The following TENM3 variants were observed in gnomAD, a reference collection of about 807,000 sequenced individuals.
The protein encoded by TENM3 is teneurin-3.
In TENM3, 63 loss-of-function variants were observed where a neutral mutation model predicts 255.1. The ratio of observed to expected loss-of-function variants is 0.25; its 90% CI spans 0.20 to 0.30. TENM3 has a LOEUF of 0.30. Among genes scored for constraint, TENM3 ranks in the 10% least tolerant of loss-of-function variants. TENM3 has a pLI of 1.00. For synonymous variants in TENM3, 1,306 were observed against 1,322.3 expected (o/e 0.99, Z 0.27); for missense variants, 2,929 against 3,461.1 (o/e 0.85, Z 3.86).
At chr4:181,602,611 C>G in the TENM3 span, among the ~76,000 whole-genome samples, 9 of 152,160 alleles carry the variant, frequency 5.9e-5, no homozygotes, top group Non-Finnish European at 1.3e-4. Flanking sequence ...CTCTTGAGAA[C>G]TATTTCACTC....
chr4:182,798,398 C>T (rs1766654655), intron 27 of TENM3, among the ~76,000 whole-genome samples: 1 of 152,202 alleles, frequency 6.6e-6, no homozygotes, highest in Non-Finnish European at 1.5e-5. Flanking sequence ...AGTACAGTCA[C>T]ACCGTATACA....
the TENM3 span, among the ~76,000 whole-genome samples, chr4:181,634,574 G>A: frequency 6.6e-6 from 1 of 151,964 alleles, no homozygotes; most frequent in Non-Finnish European, 1.5e-5. Context: ...CTGTTGTGAG[G>A]TAACTAAGGA....
intron 3 of TENM3, among the ~76,000 whole-genome samples, chr4:182,420,579 A>G (rs1177667687): frequency 6.6e-6 from 1 of 152,236 alleles, no homozygotes; most frequent in Non-Finnish European, 1.5e-5. Context: ...TTCCACTGTA[A>G]TACTTACTCA....
chr4:181,878,403 C>CAGA, the TENM3 span, among the ~76,000 whole-genome samples: 2 of 152,004 alleles, frequency 1.3e-5, no homozygotes, highest in Non-Finnish European at 2.9e-5. Flanking sequence ...CAAGGATAGT[C>CAGA]TGGTCTATGG....
chr4:181,757,544 T>A, the TENM3 span, among the ~76,000 whole-genome samples: 1 of 152,138 alleles, frequency 6.6e-6, no homozygotes. Context: ...ACAAAATCAA[T>A]TTTTCTCTCT....
chr4:182,230,429 A>G (rs1374030061), intron 1 of TENM3, among the ~76,000 whole-genome samples: 1 of 152,044 alleles, frequency 6.6e-6, no homozygotes, highest in African/African-American at 2.4e-5. Flanking sequence ...CCTCCACAGC[A>G]CTTCCTTCTG....
the TENM3 span, among the ~76,000 whole-genome samples, chr4:182,070,149 G>T: frequency 6.6e-6 from 1 of 152,176 alleles, no homozygotes; most frequent in Admixed American, 6.5e-5. Flanking sequence ...AGGCACAGGT[G>T]GGGGAAGGCC....
intron 3 of TENM3, among the ~76,000 whole-genome samples, chr4:182,457,463 ATT>A (rs1021365636): frequency 6.8e-6 from 1 of 148,096 alleles, no homozygotes; most frequent in African/African-American, 2.4e-5. Context: ...TATGATCTCT[ATT>A]TTAAAGATAT....
chr4:181,450,023 AACT>A, the TENM3 span, among the ~76,000 whole-genome samples: 1 of 152,182 alleles, frequency 6.6e-6, no homozygotes, highest in Non-Finnish European at 1.5e-5. Context: ...ATTATCATTA[AACT>A]ACTATTTAAT....
the TENM3 span, among the ~76,000 whole-genome samples, chr4:181,650,684 A>G: frequency 6.6e-6 from 1 of 152,208 alleles, no homozygotes; most frequent in Admixed American, 6.5e-5. Context: ...ATTTCATACA[A>G]TTAATTGAAT....
chr4:182,670,937 A>G (rs552685757), intron 6 of TENM3, among the ~76,000 whole-genome samples: 2 of 152,334 alleles, frequency 1.3e-5, no homozygotes, highest in South Asian at 4.1e-4. Context: ...GTAACAGAAT[A>G]CTAGTAAATA....
chr4:182,593,783 G>A (rs1305765207), intron 3 of TENM3, among the ~76,000 whole-genome samples: 1 of 152,078 alleles, frequency 6.6e-6, no homozygotes, highest in Admixed American at 6.5e-5. Context: ...ACATACAAAT[G>A]CAGACATATA....
chr4:181,772,354 G>C, the TENM3 span, among the ~76,000 whole-genome samples: 3 of 151,552 alleles, frequency 2.0e-5, no homozygotes, highest in African/African-American at 2.4e-5. Flanking sequence ...CTCCAGCCTG[G>C]GTCACAGAGT....
At chr4:182,413,293 A>G (rs1770137908) in intron 3 of TENM3, among the ~76,000 whole-genome samples, 2 of 152,154 alleles carry the variant, frequency 1.3e-5, no homozygotes, top group Non-Finnish European at 2.9e-5. Context: ...AGAGAAAAAT[A>G]TTACAGTAAC....
intron 3 of TENM3, among the ~76,000 whole-genome samples, chr4:182,570,706 C>T (rs912444852): frequency 2.0e-5 from 3 of 152,048 alleles, no homozygotes; most frequent in African/African-American, 7.2e-5. Flanking sequence ...TCATGGCAGG[C>T]GCCTGTAGTC....
the TENM3 span, among the ~76,000 whole-genome samples, chr4:181,838,330 T>C: frequency 6.6e-6 from 1 of 152,228 alleles, no homozygotes; most frequent in Non-Finnish European, 1.5e-5. Context: ...GATCTGGTAA[T>C]ACGCTTTTTT....
intron 6 of TENM3, among the ~76,000 whole-genome samples, chr4:182,666,150 A>G (rs1347531224): frequency 6.6e-6 from 1 of 152,188 alleles, no homozygotes; most frequent in Non-Finnish European, 1.5e-5. Flanking sequence ...ATGAAACTTT[A>G]ATGGACGAGG....
At chr4:181,656,532 A>G in the TENM3 span, among the ~76,000 whole-genome samples, 3 of 152,130 alleles carry the variant, frequency 2.0e-5, no homozygotes, top group Non-Finnish European at 1.5e-5. Flanking sequence ...GAAGCCGCGG[A>G]TGCAGATGGG....
chr4:182,764,271 T>C (rs1763477323), intron 22 of TENM3, among the ~76,000 whole-genome samples: 1 of 152,242 alleles, frequency 6.6e-6, no homozygotes, highest in Non-Finnish European at 1.5e-5. Flanking sequence ...CATTCATTCA[T>C]TCACTCATGT....
Sources: gnomAD v4.1 joint callset for allele counts (sites outside exome capture counted in the v4.1 genomes callset) on GRCh38, gnomAD v4.1.1 for gene constraint, MANE v1.5 for transcripts, NCBI Gene and HGNC (gene_info 2026-07-23, HGNC 2026-07-21) for gene names.